ADAM9: variants seen among roughly 807,000 people sequenced by gnomAD.
ADAM9 encodes the protein disintegrin and metalloproteinase domain-containing protein 9.
A neutral mutation model predicts 108.1 loss-of-function variants in ADAM9; 54 were observed. The observed-to-expected ratio is 0.50, with a 90% CI of 0.40 to 0.63. ADAM9 has a LOEUF of 0.63. Ranked by LOEUF, ADAM9 falls within the 20% of genes least tolerant of loss-of-function variation. The pLI is 0.00. For synonymous variants in ADAM9, 316 were observed against 336.0 expected (o/e 0.94, Z 0.65); for missense variants, 830 against 997.7 (o/e 0.83, Z 2.26).
intron 3 of ADAM9, among the ~76,000 whole-genome samples, chr8:39,012,448 A>G (rs1400455876): frequency 6.6e-5 from 10 of 152,364 alleles, no homozygotes; most frequent in Non-Finnish European, 1.5e-5. Flanking sequence ...ATTACTGGGT[A>G]TATACCCAAT....
intron 14 of ADAM9, among the ~76,000 whole-genome samples, chr8:39,061,361 A>T (rs915245185): frequency 5.9e-5 from 9 of 152,144 alleles, no homozygotes; most frequent in African/African-American, 2.2e-4. Context: ...GGGTTCAGGG[A>T]CCCACTAGGC....
intron 2 of ADAM9, among the ~76,000 whole-genome samples, chr8:39,010,891 A>G (rs1380250243): frequency 2.0e-5 from 3 of 152,078 alleles, no homozygotes; most frequent in Admixed American, 1.3e-4. Context: ...TCAGGAGTTC[A>G]AGACCAGCCT....
At chr8:39,025,987 G>A (rs1031179166) in intron 10 of ADAM9, 103 bp downstream of exon 10, 20 of 1,208,828 alleles carry the variant, frequency 1.7e-5, no homozygotes, top group East Asian at 9.4e-5. Context: ...CAATATTTTG[G>A]GTGTTATGAG....
At chr8:39,100,894 C>T (rs1839673557) in intron 20 of ADAM9, among the ~76,000 whole-genome samples, 1 of 152,144 alleles carries the variant, frequency 6.6e-6, no homozygotes, top group Non-Finnish European at 1.5e-5. Context: ...AAAAATATTA[C>T]TTTTACTTTC....
chr8:39,072,427 A>T (rs1426918204), intron 15 of ADAM9, among the ~76,000 whole-genome samples: 1 of 152,210 alleles, frequency 6.6e-6, no homozygotes, highest in Non-Finnish European at 1.5e-5. Context: ...TCTTCATACA[A>T]TAGTACTTGA....
At chr8:39,058,323 A>G (rs1838191844) in intron 14 of ADAM9, among the ~76,000 whole-genome samples, 1 of 152,218 alleles carries the variant, frequency 6.6e-6, no homozygotes, top group South Asian at 2.1e-4. Flanking sequence ...GCTGGTATTT[A>G]TAACTAACTT....
At position 39,041,952 on chromosome 8, in the gene ADAM9, C is replaced by T. The variant is rs756705252; in HGVS notation, c.1137C>T (p.Ser379=). The change falls in exon 12 of 22, where the codon TCC becomes TCT. Residue 379 remains serine (S), a synonymous_variant. Coordinates refer to ENST00000487273, the MANE Select transcript of ADAM9 (RefSeq NM_003816.3). ...SCIMNSGASG[S]RNFSSCSAED... ...TTCTTAATGTTTATTATAGGGGTTC[C>T]AGAAACTTTAGCAGTTGCAGTGCAG... is the stretch of plus-strand genomic sequence containing the variant. The T allele has an allele frequency of 6.2e-7, 1 of 1,613,670 alleles. No individual in the cohort carries two copies. The highest frequency in any genetic ancestry group is 1.7e-5 in the Admixed American group (1 of 59,978).
chr8:39,009,458 C>T (rs865957293), intron 2 of ADAM9, among the ~76,000 whole-genome samples: 30 of 152,220 alleles, frequency 2.0e-4, no homozygotes, highest in East Asian at 5.8e-4. Flanking sequence ...AGGCTGGTCT[C>T]GAACTCTTGG....
At chr8:39,015,924 C>T in intron 4 of ADAM9, 194 bp from the exon 5 acceptor site, 1 of 588,896 alleles carries the variant, frequency 1.7e-6, no homozygotes, top group Non-Finnish European at 3.0e-6. Context: ...TTTGTGTACT[C>T]ATAGGGTGGT....
chr8:39,089,560 G>T (rs1839284352), intron 18 of ADAM9, among the ~76,000 whole-genome samples: 1 of 152,182 alleles, frequency 6.6e-6, no homozygotes, highest in South Asian at 2.1e-4. Context: ...TATGTGCAAG[G>T]TTATTCATTA....
At chr8:39,081,808 A>G (rs1280481378) in intron 16 of ADAM9, among the ~76,000 whole-genome samples, 1 of 152,168 alleles carries the variant, frequency 6.6e-6, no homozygotes, top group African/African-American at 2.4e-5. Context: ...CTTGTACACA[A>G]GATCAGTTGG....
chr8:39,103,857 T>G lies in ADAM9; in HGVS notation c.*157T>G, dbSNP rs1300198294. On this transcript the variant is annotated 3_prime_UTR_variant, in exon 22 of 22. Coordinates refer to ENST00000487273, the MANE Select transcript of ADAM9 (RefSeq NM_003816.3). Reference sequence around the variant, plus strand: ...CTAACACAGAAAAACAGAAACTGAGTGTGAGAGTTGTGAAATACAAGGAAA... The same window carrying G: ...CTAACACAGAAAAACAGAAACTGAGGGTGAGAGTTGTGAAATACAAGGAAA... The G allele has an allele frequency of 1.4e-6, 1 of 739,632 alleles. No individual in the cohort carries two copies. Among genetic ancestry groups the G allele is most frequent in the Non-Finnish European group, 2.4e-6 (1 of 419,646 alleles). 45.8% of individuals were successfully genotyped at this position (739,632 alleles called of 1,614,324 possible). A position where few individuals can be genotyped will look rare whatever the true frequency, so the allele number is the denominator to read the frequency against.
Position 39,025,904 on chromosome 8 carries a change from T to TA in ADAM9, c.996+22dup. On this transcript the variant is annotated intron_variant, in intron 10 of 21. Coordinates refer to ENST00000487273, the MANE Select transcript of ADAM9 (RefSeq NM_003816.3). The stretch of plus-strand genomic sequence containing the variant: ...AATGTGGTACGTTGTTCTTGATGTT[T>TA]AACTTTGGATGTTTGCACTGGGACA... The TA allele has an allele frequency of 6.2e-7, 1 of 1,609,114 alleles. No homozygotes were observed. Among genetic ancestry groups the TA allele is most frequent in the Non-Finnish European group, 8.5e-7 (1 of 1,175,544 alleles).
chr8:39,082,711 A>G lies in ADAM9; in HGVS notation c.1952A>G (p.His651Arg), dbSNP rs1347609749. ...NYDCDVQKKCHGHGVCNSNKN... is the reference protein window; with the variant it reads ...NYDCDVQKKCRGHGVCNSNKN... ...GACTGTGATGTTCAGAAAAAGTGTC[A>G]TGGACATGGGGTAGGTAATGTTTTC... Residue 651 changes from histidine to arginine, a missense_variant, in exon 17 of 22, where the codon CAT (histidine) becomes CGT (arginine). By Grantham distance (29) the His-to-Arg change is conservative. Around this residue, in one of 3 missense-constraint regions of ADAM9, gnomAD observed 238 missense variants for 235.7 expected, o/e 1.01. Coordinates refer to ENST00000487273, the MANE Select transcript of ADAM9 (RefSeq NM_003816.3). 16 of 1,612,814 alleles carry G rather than the reference A, an allele frequency of 9.9e-6. No individual in the cohort carries two copies. Among genetic ancestry groups the G allele is most frequent in the Non-Finnish European group, 1.4e-5 (16 of 1,179,282 alleles).
chr8:39,027,798 C>A lies in ADAM9; in HGVS notation c.1130+988C>A, dbSNP rs143257611. On this transcript the variant is annotated intron_variant, in intron 11 of 21. Coordinates refer to ENST00000487273, the MANE Select transcript of ADAM9 (RefSeq NM_003816.3). ...TGAGAGGTGATATCTTTAACAAATA[C>A]AGGACGGACCTGGTGGCTCATGCCT... Among the ~76,000 whole-genome samples the A allele has an allele frequency of 5.3e-5, 8 of 152,156 alleles. No homozygotes were observed. In the East Asian group the frequency reaches 1.5e-3, roughly 29 times the overall value.
At chr8:38,997,212 G>GCCCC (rs1311133007) in intron 1 of ADAM9, 52 bp downstream of exon 1, 8 of 1,548,186 alleles carry the variant, frequency 5.2e-6, no homozygotes, top group Non-Finnish European at 7.0e-6. Context: ...TAGGGACGGG[G>GCCCC]CGCTCGGAGT....
At chr8:39,079,465 A>G (rs1838951488) in intron 16 of ADAM9, among the ~76,000 whole-genome samples, 1 of 151,890 alleles carries the variant, frequency 6.6e-6, no homozygotes, top group Admixed American at 6.6e-5. Flanking sequence ...GTTCATATTG[A>G]TATCTCTTTT....
At chr8:39,032,646 C>T (rs954725543) in intron 11 of ADAM9, among the ~76,000 whole-genome samples, 5 of 152,228 alleles carry the variant, frequency 3.3e-5, no homozygotes, top group Non-Finnish European at 5.9e-5. Context: ...GATGCCCCGC[C>T]CTGCTTTGGC....
Position 39,105,072 on chromosome 8 carries a change from T to C in ADAM9, c.*1372T>C. On this transcript the variant is annotated 3_prime_UTR_variant, in exon 22 of 22. Coordinates refer to ENST00000487273, the MANE Select transcript of ADAM9 (RefSeq NM_003816.3). ...TTAATTAAAAAGTTATAATTTTAGA[T>C]AAAAATTCTAGTCAAATTTTTACAG... 1 of 404,818 alleles carries C rather than the reference T, an allele frequency of 2.5e-6. No homozygotes were observed. Among genetic ancestry groups the C allele is most frequent in the East Asian group, 7.2e-5 (1 of 13,884 alleles). 25.1% of individuals were successfully genotyped at this position (404,818 alleles called of 1,614,324 possible). A position where few individuals can be genotyped will look rare whatever the true frequency, so the allele number is the denominator to read the frequency against.
Sources: allele counts gnomAD v4.1 joint callset (sites outside exome capture counted in the v4.1 genomes callset), GRCh38; gene constraint gnomAD v4.1.1; regional missense constraint gnomAD v4.1.1; transcripts MANE v1.5; gene names NCBI Gene and HGNC (gene_info 2026-07-23, HGNC 2026-07-21).